TMEM242: variants seen among roughly 807,000 people sequenced by gnomAD.
TMEM242 encodes the protein transmembrane protein 242.
TMEM242 carries 10 observed loss-of-function variants against 18.2 expected under a neutral mutation model. The ratio of observed to expected loss-of-function variants is 0.55; its 90% CI spans 0.34 to 0.93. TMEM242 has a LOEUF of 0.93. TMEM242 is among the 40% of genes least tolerant of loss of function. The pLI is 0.02. For missense variants in TMEM242, 186 were observed against 175.5 expected, an observed-to-expected ratio of 1.06 and a Z score of -0.34; for synonymous variants, 57 against 69.9, an observed-to-expected ratio of 0.81 and a Z score of 0.92.
At position 157,323,510 on chromosome 6, in the gene TMEM242, C is replaced by T; in HGVS notation, c.-11G>A. On this transcript the variant is annotated 5_prime_UTR_variant, in exon 1 of 4. Transcript: ENST00000400788. ...GCCCGCTGTCTCCATGTTTAGGTCGCCTCTAGTGCGTCCGTCCCCAACTGG... is the reference window on the plus strand; with the variant it reads ...GCCCGCTGTCTCCATGTTTAGGTCGTCTCTAGTGCGTCCGTCCCCAACTGG... 6.2e-7 allele frequency: 1 copy of T among 1,609,798 alleles called. No individual in the cohort carries two copies. The highest frequency in any genetic ancestry group is 8.5e-7 in the Non-Finnish European group (1 of 1,177,002).
intron 3 of TMEM242, chr6:157,299,575 ATAAGT>A (rs1393161365): frequency 1.9e-5 from 30 of 1,566,338 alleles, no homozygotes; most frequent in African/African-American, 4.1e-5. Context: ...TCCAGGCTAC[ATAAGT>A]TAAGTTATCC....
chr6:157,322,835 T>G, intron 1 of TMEM242, 30 bp from the exon 2 acceptor site: 1 of 1,570,572 alleles, frequency 6.4e-7, no homozygotes, highest in Non-Finnish European at 8.7e-7. Flanking sequence ...GGAGGGGGGA[T>G]ATTAAAAAAA....
At chr6:157,310,658 C>A in intron 3 of TMEM242, among the ~76,000 whole-genome samples, 1 of 150,730 alleles carries the variant, frequency 6.6e-6, no homozygotes. Context: ...GCTCACCCGG[C>A]CTCATCATAG....
chr6:157,292,892 A>G lies in TMEM242; in HGVS notation c.*9T>C, dbSNP rs906883157. On this transcript the variant is annotated 3_prime_UTR_variant, in exon 4 of 4. Transcript: ENST00000400788. Reference sequence around the variant, plus strand: ...GTAACAAGCATTTTGAAATTCATCCATGCTCATCTCATTTGGATTTCAATG... The same window carrying G: ...GTAACAAGCATTTTGAAATTCATCCGTGCTCATCTCATTTGGATTTCAATG... 6 of 1,605,196 alleles carry G rather than the reference A, an allele frequency of 3.7e-6. No individual in the cohort carries two copies. The highest frequency in any genetic ancestry group is 1.3e-5 in the African/African-American group (1 of 74,756).
chr6:157,292,148 A>G lies in TMEM242; in HGVS notation c.*753T>C, dbSNP rs1777691560. 1 of 152,200 alleles carries G rather than the reference A, an allele frequency of 6.6e-6. No individual in the cohort carries two copies. Among genetic ancestry groups the G allele is most frequent in the African/African-American group, 2.4e-5 (1 of 41,442 alleles). The allele number at this position is 152,200 out of a possible 1,614,324, so 9.4% of individuals were successfully genotyped here. ...ACAACTGGGCTTTTTTTACTTTGAC[A>G]ACTGAGACAAAATGACAAATTGTCA... On this transcript the variant is annotated 3_prime_UTR_variant, in exon 4 of 4. Coordinates refer to ENST00000400788, the MANE Select transcript of TMEM242 (RefSeq NM_018452.6).
At chr6:157,310,186 C>T (rs1044391229) in intron 3 of TMEM242, among the ~76,000 whole-genome samples, 4 of 152,160 alleles carry the variant, frequency 2.6e-5, no homozygotes, top group Non-Finnish European at 1.5e-5. Context: ...AAAAGGTAAA[C>T]AAGTGTAAAA....
intron 3 of TMEM242, among the ~76,000 whole-genome samples, chr6:157,296,230 T>TACCC (rs1386365525): frequency 1.3e-5 from 2 of 152,126 alleles, no homozygotes; most frequent in Admixed American, 1.3e-4. Flanking sequence ...GGAACTAGAG[T>TACCC]ACCCATCCAG....
Position 157,292,871 on chromosome 6 carries a change from C to A in TMEM242, c.*30G>T. The A allele has an allele frequency of 6.4e-7, 1 of 1,563,938 alleles. No individual in the cohort carries two copies. Among genetic ancestry groups the A allele is most frequent in the Non-Finnish European group, 8.8e-7 (1 of 1,135,802 alleles). ...TCTCCAGAGCCACCCCTTTCTGTAA[C>A]AAGCATTTTGAAATTCATCCATGCT... is the stretch of plus-strand genomic sequence containing the variant. On this transcript the variant is annotated 3_prime_UTR_variant, in exon 4 of 4. Transcript: ENST00000400788.
chr6:157,315,830 C>T (rs1778378667), intron 3 of TMEM242, among the ~76,000 whole-genome samples: 1 of 152,138 alleles, frequency 6.6e-6, no homozygotes, highest in East Asian at 1.9e-4. Flanking sequence ...GCTCCCAATA[C>T]CTCTCCTTCT....
chr6:157,313,007 T>A (rs1778233815), intron 3 of TMEM242, among the ~76,000 whole-genome samples: 1 of 152,004 alleles, frequency 6.6e-6, no homozygotes, highest in African/African-American at 2.4e-5. Context: ...AGTGTCCCAG[T>A]GTCCGCTCAC....
chr6:157,293,310 A>G (rs1777708608), intron 3 of TMEM242, among the ~76,000 whole-genome samples: 2 of 152,056 alleles, frequency 1.3e-5, no homozygotes, highest in Non-Finnish European at 2.9e-5. Context: ...TGAGCCCAGG[A>G]GTTTGAGTCC....
At chr6:157,299,812 T>G in intron 3 of TMEM242, 3 of 1,608,902 alleles carry the variant, frequency 1.9e-6, no homozygotes, top group Non-Finnish European at 2.6e-6. Context: ...GGCTGCCATG[T>G]TGAAGATCCA....
At chr6:157,300,102 G>A in intron 3 of TMEM242, 1 of 663,688 alleles carries the variant, frequency 1.5e-6, no homozygotes, top group East Asian at 2.6e-5. Flanking sequence ...CGGCTGGCCT[G>A]CACAACAGAC....
At chr6:157,317,568 T>C (rs1482767556) in intron 3 of TMEM242, among the ~76,000 whole-genome samples, 4 of 152,224 alleles carry the variant, frequency 2.6e-5, no homozygotes, top group African/African-American at 9.6e-5. Flanking sequence ...CAGCTTTAAA[T>C]GCTAGCCATA....
intron 3 of TMEM242, among the ~76,000 whole-genome samples, chr6:157,313,446 A>C (rs1554249772): frequency 1.4e-5 from 2 of 146,406 alleles, no homozygotes; most frequent in Non-Finnish European, 3.0e-5. Context: ...ATAGTGCCCC[A>C]GTCTGCGCTC....
At chr6:157,315,164 G>A (rs940154179) in intron 3 of TMEM242, among the ~76,000 whole-genome samples, 3 of 152,134 alleles carry the variant, frequency 2.0e-5, no homozygotes, top group Non-Finnish European at 4.4e-5. Context: ...CTGGACTCAG[G>A]GTAACCTCAT....
In TMEM242 at chr6:157,312,541, G is replaced by GTCTGCGCTCAC. The variant is rs1388767349; in HGVS notation, c.327+6240_327+6241insGTGAGCGCAGA. On this transcript the variant is annotated intron_variant, in intron 3 of 3. Coordinates refer to ENST00000400788, the MANE Select transcript of TMEM242 (RefSeq NM_018452.6). The stretch of plus-strand genomic sequence containing the variant: ...ATCATACCGCCCCAGTGTGCACTCA[G>GTCTGCGCTCAC]CTAGCCTCATCATAGTGCCCCAGTG... Among the ~76,000 whole-genome samples, 9 of 20,562 alleles carry GTCTGCGCTCAC rather than the reference G, an allele frequency of 4.4e-4. 3 individuals are homozygous for GTCTGCGCTCAC. The highest frequency in any genetic ancestry group is 1.4e-3 in the African/African-American group (6 of 4,430). 13.5% of individuals were successfully genotyped at this position (20,562 alleles called of 152,430 possible).
intron 1 of TMEM242, among the ~76,000 whole-genome samples, chr6:157,323,141 G>A (rs1445085155): frequency 6.6e-6 from 1 of 152,178 alleles, no homozygotes; most frequent in East Asian, 1.9e-4. Context: ...GAAAAGGCAA[G>A]GCTCTAGAAC....
chr6:157,312,308 A>AACTGGCC (rs1562384521), intron 3 of TMEM242, among the ~76,000 whole-genome samples: 1 of 152,034 alleles, frequency 6.6e-6, no homozygotes, highest in African/African-American at 2.4e-5. Context: ...GTGTGCGTTG[A>AACTGGCC]TCTGACCTCA....
Sources: allele counts gnomAD v4.1 joint callset (sites outside exome capture counted in the v4.1 genomes callset), GRCh38; gene constraint gnomAD v4.1.1; transcripts MANE v1.5; gene names NCBI Gene and HGNC (gene_info 2026-07-23, HGNC 2026-07-21).